The following RAD50 variants were observed in gnomAD, a reference collection of about 807,000 sequenced individuals.
RAD50 encodes the protein DNA repair protein RAD50.
A neutral mutation model predicts 168.8 loss-of-function variants in RAD50; 132 were observed. The ratio of observed to expected loss-of-function variants is 0.78; its 90% CI spans 0.68 to 0.90. The LOEUF (loss-of-function observed/expected upper bound fraction) is 0.90. RAD50 is among the 40% of genes least tolerant of loss of function. The pLI is 0.00. For synonymous variants in RAD50, 525 were observed against 497.4 expected (o/e 1.06, Z -0.74); for missense variants, 1,347 against 1,534.4 (o/e 0.88, Z 2.04).
chr5:132,603,873 T>C (rs1157584386), intron 14 of RAD50, 47 bp from the exon 15 acceptor site: 1 of 1,469,984 alleles, frequency 6.8e-7, no homozygotes, highest in East Asian at 2.4e-5. Context: ...AGATTTTGAA[T>C]AATGCAGTAA....
At chr5:132,614,372 G>C (rs1751138961) in intron 19 of RAD50, among the ~76,000 whole-genome samples, 1 of 152,132 alleles carries the variant, frequency 6.6e-6, no homozygotes, top group South Asian at 2.1e-4. Context: ...TGGTACATTA[G>C]ATTGCTTTAG....
intron 19 of RAD50, among the ~76,000 whole-genome samples, chr5:132,611,992 C>T (rs368229881): frequency 1.1e-4 from 16 of 152,238 alleles, no homozygotes; most frequent in East Asian, 9.6e-4. Context: ...ACCTGTAAAT[C>T]GTCTGAGTTT....
intron 5 of RAD50, among the ~76,000 whole-genome samples, chr5:132,582,492 A>G (rs1750521061): frequency 6.6e-6 from 1 of 152,192 alleles, no homozygotes; most frequent in African/African-American, 2.4e-5. Flanking sequence ...AGAAAAGACT[A>G]CGTCCTTTCA....
intron 1 of RAD50, among the ~76,000 whole-genome samples, chr5:132,558,219 A>G (rs1486782080): frequency 6.6e-6 from 1 of 152,216 alleles, no homozygotes; most frequent in Admixed American, 6.5e-5. Context: ...TTTTGTAAAA[A>G]TGTTATTTGT....
chr5:132,628,567 C>A (rs1039701983), intron 21 of RAD50, among the ~76,000 whole-genome samples: 2 of 151,906 alleles, frequency 1.3e-5, no homozygotes, highest in Non-Finnish European at 2.9e-5. Context: ...AGACAGCAGC[C>A]GGGCACGGTG....
At chr5:132,620,113 G>C (rs1034323110) in intron 21 of RAD50, among the ~76,000 whole-genome samples, 4 of 151,788 alleles carry the variant, frequency 2.6e-5, no homozygotes, top group Non-Finnish European at 4.4e-5. Flanking sequence ...CACCGTGTTA[G>C]CCAGGATGGT....
At chr5:132,597,555 C>T (rs940947412) in intron 13 of RAD50, among the ~76,000 whole-genome samples, 1 of 152,176 alleles carries the variant, frequency 6.6e-6, no homozygotes, top group Admixed American at 6.5e-5. Context: ...GCAAGCAGCC[C>T]TCTGGAGAGG....
rs1285096111 is a variant in RAD50 at position 132,569,562 on chromosome 5, T to C, written c.214-6215T>C. On this transcript the variant is annotated intron_variant, in intron 2 of 24. Coordinates refer to ENST00000378823, the MANE Select transcript of RAD50 (RefSeq NM_005732.4). ...TTGGAGATCTCAATACCCCTCTCAGTAGAGAAAAGAAGCAGATGAAATATC... is the reference window on the plus strand; with the variant it reads ...TTGGAGATCTCAATACCCCTCTCAGCAGAGAAAAGAAGCAGATGAAATATC... 4.6e-5 allele frequency among the ~76,000 whole-genome samples: 7 copies of C among 152,220 alleles called. No homozygotes were observed. The East Asian group carries it at 1.4e-3, about 29-fold the overall frequency.
In RAD50 at chr5:132,557,472, C is replaced by T. The variant is rs1399248477; in HGVS notation, c.129+19C>T. 2.5e-6 allele frequency: 4 copies of T among 1,613,894 alleles called. No individual in the cohort carries two copies. The highest frequency in any genetic ancestry group is 1.7e-5 in the Admixed American group (1 of 60,004). On this transcript the variant is annotated intron_variant, in intron 1 of 24. Coordinates refer to ENST00000378823, the MANE Select transcript of RAD50 (RefSeq NM_005732.4). ...AAAGACGGTAAGTCTTCAGTAGCCG[C>T]CTTCAGTTTACAGGTCGCTACATCT...
chr5:132,579,696 A>C, intron 4 of RAD50, 166 bp from the exon 5 acceptor site: 1 of 824,714 alleles, frequency 1.2e-6, no homozygotes, highest in African/African-American at 1.7e-5. Flanking sequence ...CCTGATTGAC[A>C]GTATAAATGT....
At chr5:132,613,733 G>A (rs1289249081) in intron 19 of RAD50, among the ~76,000 whole-genome samples, 1 of 151,420 alleles carries the variant, frequency 6.6e-6, no homozygotes, top group Admixed American at 6.6e-5. Context: ...CCTGCCTGGG[G>A]CTACAGGCGA....
intron 21 of RAD50, among the ~76,000 whole-genome samples, chr5:132,623,186 G>A (rs975044595): frequency 6.6e-6 from 1 of 151,936 alleles, no homozygotes; most frequent in Non-Finnish European, 1.5e-5. Flanking sequence ...AAACAATAAC[G>A]CCAAGTTCAT....
chr5:132,587,924 G>A lies in RAD50; in HGVS notation c.886G>A (p.Val296Ile), dbSNP rs876658219. The A allele has an allele frequency of 5.6e-6, 9 of 1,612,602 alleles. No individual in the cohort carries two copies. The highest frequency in any genetic ancestry group is 6.8e-6 in the Non-Finnish European group (8 of 1,178,950). ...NSELEEKMEKVFQGTDEQLND... is the reference protein window; with the variant it reads ...NSELEEKMEKIFQGTDEQLND... ...AGCTTTTTATTTTGGTGTTACACAG[G>A]TTTTTCAAGGGACTGATGAGCAACT... Residue 296 changes from valine to isoleucine, a missense_variant and splice_region_variant, in exon 7 of 25, where the codon GTT becomes ATT. This residue lies in a region of RAD50 where 703 missense variants were observed against 767.7 expected (regional missense o/e 0.92). Coordinates refer to ENST00000378823, the MANE Select transcript of RAD50 (RefSeq NM_005732.4).
At chr5:132,580,369 G>C (rs1373521070) in intron 5 of RAD50, among the ~76,000 whole-genome samples, 1 of 152,022 alleles carries the variant, frequency 6.6e-6, no homozygotes, top group Non-Finnish European at 1.5e-5. Context: ...TATATTTCTT[G>C]AATTATCAGG....
Position 132,594,959 on chromosome 5 carries a change from G to C in RAD50, c.1884G>C (p.Lys628Asn), listed in dbSNP as rs746192180. 2.5e-6 allele frequency: 4 copies of C among 1,611,950 alleles called. No homozygotes were observed. The highest frequency in any genetic ancestry group is 2.5e-6 in the Non-Finnish European group (3 of 1,178,020). Residue 628 changes from lysine to asparagine, a missense_variant, in exon 12 of 25, where the codon AAG becomes AAC. Physicochemically the swap from Lys to Asn is moderately conservative, Grantham distance 94. Transcript: ENST00000378823. ...KEEQLSSYEDKLFDVCGSQDF... is the reference protein window; with the variant it reads ...KEEQLSSYEDNLFDVCGSQDF... ...AGCAGTTGTCCAGTTACGAAGACAA[G>C]CTGTTTGATGTTTGTGGTAGCCAGG...
chr5:132,579,485 G>T lies in RAD50; in HGVS notation c.534G>T (p.Glu178Asp). 1.2e-6 allele frequency: 2 copies of T among 1,613,154 alleles called. No homozygotes were observed. Among genetic ancestry groups the T allele is most frequent in the East Asian group, 2.2e-5 (1 of 44,850 alleles). Reference protein sequence around the residue: ...EGKALKQKFDEIFSATRYIKA... With the variant: ...EGKALKQKFDDIFSATRYIKA... Reference sequence around the variant, plus strand: ...AGGCTTTGAAGCAAAAGTTTGATGAGATTTTTTCAGCAACAAGGTTTGTAA... The same window carrying T: ...AGGCTTTGAAGCAAAAGTTTGATGATATTTTTTCAGCAACAAGGTTTGTAA... The change falls in exon 4 of 25, where the codon GAG becomes GAT. Residue 178 changes from glutamate (E) to aspartate (D), a missense_variant. Glu to Asp is a conservative substitution (Grantham distance 45). Transcript: ENST00000378823.
chr5:132,580,002 A>G lies in RAD50; in HGVS notation c.692A>G (p.Glu231Gly), dbSNP rs757472687. The change falls in exon 5 of 25, where the codon GAA (glutamate) becomes GGA (glycine). Residue 231 changes from glutamate to glycine, a missense_variant. Coordinates refer to ENST00000378823, the MANE Select transcript of RAD50 (RefSeq NM_005732.4). Reference sequence around the variant, plus strand: ...ATTCGTGATCAGATTACAAGTAAGGAAGCCCAGTTAACATCTTCAAAGGAA... The same window carrying G: ...ATTCGTGATCAGATTACAAGTAAGGGAGCCCAGTTAACATCTTCAAAGGAA... ...CEIRDQITSK[E>G]AQLTSSKEIV... is the part of the protein sequence containing the mutation. The G allele has an allele frequency of 6.2e-7, 1 of 1,613,450 alleles. No individual in the cohort carries two copies. The highest frequency in any genetic ancestry group is 1.7e-5 in the Admixed American group (1 of 60,026).
intron 22 of RAD50, among the ~76,000 whole-genome samples, chr5:132,637,512 CTTT>C (rs11420290): frequency 6.8e-6 from 1 of 147,346 alleles, no homozygotes; most frequent in African/African-American, 2.5e-5. Flanking sequence ...AGAGGAAACT[CTTT>C]TTTTTTTCTT....
chr5:132,580,216 TCTA>T, intron 5 of RAD50, 150 bp downstream of exon 5: 2 of 658,366 alleles, frequency 3.0e-6, no homozygotes, highest in South Asian at 2.0e-5. Flanking sequence ...ACACTTAAAA[TCTA>T]CTCTCTTAGC....
Sources: allele counts gnomAD v4.1 joint callset (sites outside exome capture counted in the v4.1 genomes callset), GRCh38; gene constraint gnomAD v4.1.1; regional missense constraint gnomAD v4.1.1; transcripts MANE v1.5; gene names NCBI Gene and HGNC (gene_info 2026-07-23, HGNC 2026-07-21).